The following LIN9 variants were observed in gnomAD, a reference collection of about 807,000 sequenced individuals.
LIN9 encodes protein lin-9 homolog.
LIN9 carries 18 observed loss-of-function variants against 78.0 expected under a neutral mutation model. The ratio of observed to expected loss-of-function variants is 0.23; its 90% CI spans 0.16 to 0.34. The LOEUF is 0.34. Ranked by LOEUF, LIN9 falls within the 10% of genes least tolerant of loss-of-function variation. The pLI is 1.00. For missense variants in LIN9, 451 were observed against 644.1 expected (o/e 0.70, Z 3.25); for synonymous variants, 192 against 215.2 (o/e 0.89, Z 0.94).
chr1:226,239,248 G>A (rs1021596469), intron 11 of LIN9, 152 bp from the exon 12 acceptor site: 6 of 754,900 alleles, frequency 7.9e-6, no homozygotes, highest in Non-Finnish European at 1.3e-5. Flanking sequence ...CTGTGATAAT[G>A]GCATTGTTAT....
rs375775960 is a variant in LIN9 at position 226,277,883 on chromosome 1, G to A, written c.574C>T (p.Arg192Trp). The A allele has an allele frequency of 3.1e-6, 5 of 1,613,302 alleles. No homozygotes were observed. The highest frequency in any genetic ancestry group is 4.2e-6 in the Non-Finnish European group (5 of 1,179,654). The stretch of plus-strand genomic sequence containing the variant: ...TGTTGTAAGAGCCTTATTTTCTGCC[G>A]TTTCTGTTTTAATGCTGATCTCTCT... ...EEERSALKQK[R>W]QKIRLLQQRK... The change falls in exon 7 of 15, where the codon CGG (arginine) becomes TGG (tryptophan). Residue 192 changes from arginine to tryptophan, a missense_variant. Coordinates refer to ENST00000681046, the MANE Select transcript of LIN9 (RefSeq NM_001366245.2).
intron 1 of LIN9, among the ~76,000 whole-genome samples, chr1:226,301,939 C>T (rs1166101866): frequency 3.3e-5 from 5 of 152,082 alleles, no homozygotes; most frequent in Non-Finnish European, 2.9e-5. Flanking sequence ...TATGGGGGCA[C>T]GTGCCTAAAG....
chr1:226,299,369 T>C (rs2102668160), intron 2 of LIN9, among the ~76,000 whole-genome samples: 1 of 151,518 alleles, frequency 6.6e-6, no homozygotes. Context: ...CCAGGTGTGG[T>C]GATGCATGCC....
Position 226,252,302 on chromosome 1 carries a change from A to G in LIN9, c.1039-1383T>C, listed in dbSNP as rs183907141. The stretch of plus-strand genomic sequence containing the variant: ...TCTCAAAATAAATAAATAAATAAAT[A>G]AATAAATAAATAAATAAATGAATGA... On this transcript the variant is annotated intron_variant, in intron 10 of 14. Coordinates refer to ENST00000681046, the MANE Select transcript of LIN9 (RefSeq NM_001366245.2). 1.8e-3 allele frequency among the ~76,000 whole-genome samples: 268 copies of G among 149,256 alleles called. 6 individuals carry two copies. The East Asian group carries it at 0.034, about 19-fold the overall frequency.
intron 1 of LIN9, among the ~76,000 whole-genome samples, chr1:226,308,570 G>T (rs1347286452): frequency 2.6e-5 from 4 of 152,220 alleles, no homozygotes; most frequent in Non-Finnish European, 4.4e-5. Context: ...ACACCGGTGG[G>T]GGGGTGGGGA....
chr1:226,303,335 A>G (rs1179949416), intron 1 of LIN9, among the ~76,000 whole-genome samples: 1 of 152,224 alleles, frequency 6.6e-6, no homozygotes, highest in Non-Finnish European at 1.5e-5. Context: ...GATGGGAGGC[A>G]AACAAAAACA....
rs200774340 is a variant in LIN9 at position 226,298,843 on chromosome 1, G to A, written c.65-1030C>T. On this transcript the variant is annotated intron_variant, in intron 2 of 14. Coordinates refer to ENST00000681046, the MANE Select transcript of LIN9 (RefSeq NM_001366245.2). ...GCGAGCCAGGGTCGAAGCAAGCCGA[G>A]ATAGCACCACTGCACTTCAGTCTGG... 7.9e-5 allele frequency among the ~76,000 whole-genome samples: 12 copies of A among 152,244 alleles called. No homozygotes were observed. The East Asian group carries it at 2.3e-3, about 29-fold the overall frequency.
chr1:226,275,331 G>A (rs1378821460), intron 7 of LIN9, among the ~76,000 whole-genome samples: 1 of 152,058 alleles, frequency 6.6e-6, no homozygotes, highest in East Asian at 1.9e-4. Flanking sequence ...GCCTAGATTT[G>A]GCCTATAGGC....
At chr1:226,268,805 G>A (rs1329607666) in intron 7 of LIN9, among the ~76,000 whole-genome samples, 2 of 152,202 alleles carry the variant, frequency 1.3e-5, no homozygotes, top group Non-Finnish European at 2.9e-5. Flanking sequence ...TAAAAGTCTT[G>A]CATGACTCTA....
intron 12 of LIN9, among the ~76,000 whole-genome samples, chr1:226,238,254 G>A (rs963672239): frequency 6.6e-6 from 1 of 152,116 alleles, no homozygotes; most frequent in Non-Finnish European, 1.5e-5. Context: ...AGCATGATCA[G>A]AACTTTGTGA....
rs1657312520 is a variant in LIN9, at chr1:226,231,258, A to T, written c.*1243T>A. ...CAGTTTAGCTAAATATAAACTCTGC[A>T]CTAAAGTTCTGCAGTGGCACAATAC... On this transcript the variant is annotated 3_prime_UTR_variant, in exon 15 of 15. Transcript: ENST00000681046. The T allele has an allele frequency of 6.6e-6, 1 of 152,614 alleles. No homozygotes were observed. The highest frequency in any genetic ancestry group is 1.5e-5 in the Non-Finnish European group (1 of 68,018). 9.5% of individuals were successfully genotyped at this position (152,614 alleles called of 1,614,324 possible). A position where few individuals can be genotyped will look rare whatever the true frequency, so the allele number is the denominator to read the frequency against.
At position 226,260,635 on chromosome 1, in the gene LIN9, T is replaced by G. The variant is rs955540318; in HGVS notation, c.1038+4898A>C. On this transcript the variant is annotated intron_variant, in intron 10 of 14. Coordinates refer to ENST00000681046, the MANE Select transcript of LIN9 (RefSeq NM_001366245.2). ...AAGATCACGGCCAAATGAGTTTTTT[T>G]TTTTTTTTTTTTTTTTTTTTTTTTT... 5.7e-4 allele frequency among the ~76,000 whole-genome samples: 30 copies of G among 52,998 alleles called. 1 individual carries two copies. The highest frequency in any genetic ancestry group is 2.6e-3 in the South Asian group (5 of 1,898). The allele number at this position is 52,998 out of a possible 152,430, so 34.8% of individuals were successfully genotyped here.
At chr1:226,250,254 G>A (rs562178861) in intron 11 of LIN9, among the ~76,000 whole-genome samples, 2 of 151,690 alleles carry the variant, frequency 1.3e-5, no homozygotes, top group South Asian at 4.2e-4. Flanking sequence ...AATAAATTAG[G>A]ATATAAACGT....
chr1:226,239,167 G>C, intron 11 of LIN9, 71 bp from the exon 12 acceptor site: 1 of 1,516,174 alleles, frequency 6.6e-7, no homozygotes, highest in Non-Finnish European at 9.0e-7. Flanking sequence ...TGATCTAAAA[G>C]GAGATTTGAC....
chr1:226,278,666 A>G lies in LIN9; in HGVS notation c.525-734T>C, dbSNP rs185246558. 2.2e-3 allele frequency among the ~76,000 whole-genome samples: 321 copies of G among 143,850 alleles called. 1 individual carries two copies. The highest frequency in any genetic ancestry group is 7.6e-3 in the African/African-American group (296 of 38,894). The allele number at this position is 143,850 out of a possible 152,430, so 94.4% of individuals were successfully genotyped here. On this transcript the variant is annotated intron_variant, in intron 6 of 14. Transcript: ENST00000681046. ...TGGCAAAATCCCGTCTGTACTAAAA[A>G]TGCAAAAATTAGACAGGCGTGGTGG...
intron 10 of LIN9, among the ~76,000 whole-genome samples, chr1:226,262,793 C>T (rs183567502): frequency 1.3e-5 from 2 of 152,256 alleles, no homozygotes; most frequent in Non-Finnish European, 2.9e-5. Flanking sequence ...GGTATTTACC[C>T]AAAGGAGCTG....
At chr1:226,272,539 C>CTT (rs555346267) in intron 7 of LIN9, among the ~76,000 whole-genome samples, 3 of 129,822 alleles carry the variant, frequency 2.3e-5, no homozygotes, top group East Asian at 2.3e-4. Flanking sequence ...CATGCTTGAC[C>CTT]TTTTTTTTTT....
chr1:226,268,970 C>T (rs1349736685), intron 7 of LIN9, among the ~76,000 whole-genome samples: 1 of 152,130 alleles, frequency 6.6e-6, no homozygotes, highest in Non-Finnish European at 1.5e-5. Flanking sequence ...TAGTGAATCA[C>T]CAAAACTAGT....
At chr1:226,272,314 C>T (rs1306711723) in intron 7 of LIN9, among the ~76,000 whole-genome samples, 1 of 151,706 alleles carries the variant, frequency 6.6e-6, no homozygotes, top group Non-Finnish European at 1.5e-5. Context: ...CCTCGGCCTG[C>T]CAAAGTGCTG....
Sources: allele counts gnomAD v4.1 joint callset (sites outside exome capture counted in the v4.1 genomes callset), GRCh38; gene constraint gnomAD v4.1.1; transcripts MANE v1.5; gene names NCBI Gene and HGNC (gene_info 2026-07-23, HGNC 2026-07-21).